The following ADAM7 variants were observed in gnomAD, a reference collection of about 807,000 sequenced individuals.
The protein encoded by ADAM7 is disintegrin and metalloproteinase domain-containing protein 7.
Under a neutral mutation model 102.9 loss-of-function variants are expected in ADAM7, and 97 were observed. The ratio of observed to expected loss-of-function variants is 0.94; its 90% CI spans 0.80 to 1.12. ADAM7 has a LOEUF of 1.12. ADAM7 is among the 50% of genes most tolerant of loss of function. ADAM7 has a pLI of 0.00. For missense variants in ADAM7, 991 were observed against 908.7 expected (o/e 1.09, Z -1.16); for synonymous variants, 334 against 304.4 (o/e 1.10, Z -1.01).
chr8:24,485,441 T>C (rs1820108658), intron 10 of ADAM7, 80 bp downstream of exon 10: 2 of 1,283,604 alleles, frequency 1.6e-6, no homozygotes, highest in African/African-American at 3.0e-5. Flanking sequence ...GGAAAGAGAC[T>C]ATGTATGCAT....
chr8:24,470,472 A>AT (rs1288361745), intron 7 of ADAM7, among the ~76,000 whole-genome samples: 1 of 152,034 alleles, frequency 6.6e-6, no homozygotes, highest in Non-Finnish European at 1.5e-5. Flanking sequence ...GGATTTGAAA[A>AT]TAAAAAAAAA....
At chr8:24,495,154 A>G (rs1347180833) in intron 16 of ADAM7, among the ~76,000 whole-genome samples, 1 of 152,212 alleles carries the variant, frequency 6.6e-6, no homozygotes, top group Non-Finnish European at 1.5e-5. Context: ...GAATGGTTTT[A>G]GAGAAGATCT....
At chr8:24,477,569 A>AGTGTGT (rs370769372) in intron 8 of ADAM7, among the ~76,000 whole-genome samples, 2 of 145,570 alleles carry the variant, frequency 1.4e-5, no homozygotes, top group Non-Finnish European at 1.5e-5. Context: ...TACCCTCATC[A>AGTGTGT]GTGTGTGTGT....
At chr8:24,467,707 C>A (rs1464071999) in intron 6 of ADAM7, 1 of 152,182 alleles carries the variant, frequency 6.6e-6, no homozygotes, top group Non-Finnish European at 1.5e-5. Context: ...TATGTACATA[C>A]CTCAGCGCAT....
At chr8:24,491,860 C>G (rs1820370030) in intron 13 of ADAM7, 43 bp from the exon 14 acceptor site, 4 of 1,493,718 alleles carry the variant, frequency 2.7e-6, no homozygotes, top group East Asian at 2.4e-5. Flanking sequence ...CCTTACCTAC[C>G]TAAATGTATC....
At chr8:24,484,646 T>C (rs185018824) in intron 9 of ADAM7, among the ~76,000 whole-genome samples, 1 of 152,312 alleles carries the variant, frequency 6.6e-6, no homozygotes, top group Admixed American at 6.5e-5. Flanking sequence ...TTTTACATTT[T>C]ACATTTCATT....
chr8:24,448,770 T>C (rs984725134), intron 3 of ADAM7, among the ~76,000 whole-genome samples: 3 of 152,174 alleles, frequency 2.0e-5, no homozygotes, highest in Admixed American at 6.5e-5. Flanking sequence ...TAACTCGTCA[T>C]TTAGCATTAG....
chr8:24,474,674 T>C (rs1819711630), intron 7 of ADAM7, among the ~76,000 whole-genome samples: 1 of 151,990 alleles, frequency 6.6e-6, no homozygotes, highest in Non-Finnish European at 1.5e-5. Flanking sequence ...GAGGACTGCT[T>C]GAGACCAGGA....
chr8:24,467,556 T>G (rs1819470099), intron 6 of ADAM7: 1 of 153,932 alleles, frequency 6.5e-6, no homozygotes, highest in Non-Finnish European at 1.4e-5. Flanking sequence ...ATGTCCATGA[T>G]TTGTATAGTG....
chr8:24,488,447 C>T (rs1473474966), intron 11 of ADAM7, among the ~76,000 whole-genome samples: 1 of 152,088 alleles, frequency 6.6e-6, no homozygotes, highest in Non-Finnish European at 1.5e-5. Flanking sequence ...AGTAAAGTGA[C>T]TAACACAACT....
At chr8:24,501,247 A>G (rs946822327) in intron 19 of ADAM7, among the ~76,000 whole-genome samples, 1 of 152,272 alleles carries the variant, frequency 6.6e-6, no homozygotes, top group South Asian at 2.1e-4. Flanking sequence ...TGTTTATCCC[A>G]TAATTTCTGA....
chr8:24,495,184 A>G (rs1820512714), intron 16 of ADAM7, among the ~76,000 whole-genome samples: 1 of 152,212 alleles, frequency 6.6e-6, no homozygotes, highest in Non-Finnish European at 1.5e-5. Flanking sequence ...ACAGATTTGA[A>G]TAAGATCCTA....
At chr8:24,468,856 T>C in intron 7 of ADAM7, 36 bp downstream of exon 7, 2 of 1,560,686 alleles carry the variant, frequency 1.3e-6, no homozygotes, top group Non-Finnish European at 1.8e-6. Flanking sequence ...TCTTTATTCT[T>C]CCTTTTGGAA....
chr8:24,464,082 A>G, intron 4 of ADAM7, 122 bp downstream of exon 4: 1 of 795,694 alleles, frequency 1.3e-6, no homozygotes, highest in Non-Finnish European at 2.0e-6. Flanking sequence ...TAAGCTCTGA[A>G]TTGATTACTC....
chr8:24,456,993 G>A (rs1024471466), intron 3 of ADAM7, among the ~76,000 whole-genome samples: 1 of 152,052 alleles, frequency 6.6e-6, no homozygotes, highest in African/African-American at 2.4e-5. Flanking sequence ...TGAGTCACAG[G>A]ATATGTATAT....
At chr8:24,457,293 AT>A (rs35591710) in intron 3 of ADAM7, among the ~76,000 whole-genome samples, 3 of 150,872 alleles carry the variant, frequency 2.0e-5, no homozygotes, top group Admixed American at 6.6e-5. Context: ...GTTCGAGGAG[AT>A]TTTTTTTTCC....
rs1250324996 is a variant in ADAM7, at chr8:24,447,185, GAA to G, written c.159_160del (p.Lys53AsnfsTer3). On this transcript the variant is annotated frameshift_variant and splice_region_variant, in exon 3 of 22. Transcript: ENST00000175238. LOFTEE classifies it high-confidence loss of function. The stretch of plus-strand genomic sequence containing the variant: ...GTCACGTGATGCCTCTTCTTTTTTA[GAA>G]AACGTATGAAGAAGAATTGTTGTAT... ...TGHTHDDDIL[K>X]TYEEELLYEI... The G allele has an allele frequency of 2.0e-6, 3 of 1,531,614 alleles. No homozygotes were observed. The highest frequency in any genetic ancestry group is 2.8e-5 in the African/African-American group (2 of 72,034). The allele number at this position is 1,531,614 out of a possible 1,614,324, so 94.9% of individuals were successfully genotyped here. A position where few individuals can be genotyped will look rare whatever the true frequency, so the allele number is the denominator to read the frequency against.
intron 7 of ADAM7, among the ~76,000 whole-genome samples, chr8:24,473,949 CTT>C (rs1819689304): frequency 6.6e-6 from 1 of 151,998 alleles, no homozygotes; most frequent in African/African-American, 2.4e-5. Context: ...TAATAAAACT[CTT>C]AGGATATAAA....
At chr8:24,491,766 C>A in intron 13 of ADAM7, 137 bp from the exon 14 acceptor site, 1 of 596,006 alleles carries the variant, frequency 1.7e-6, no homozygotes, top group South Asian at 2.9e-5. Flanking sequence ...GACAATGATT[C>A]TTGATGGAAT....
Sources: allele counts gnomAD v4.1 joint callset (sites outside exome capture counted in the v4.1 genomes callset), GRCh38; gene constraint gnomAD v4.1.1; transcripts MANE v1.5; gene names NCBI Gene and HGNC (gene_info 2026-07-23, HGNC 2026-07-21).